The following ODAD4 variants were observed in gnomAD, a reference collection of about 807,000 sequenced individuals.
ODAD4 encodes the protein outer dynein arm-docking complex subunit 4.
In ODAD4, 49 loss-of-function variants were observed where a neutral mutation model predicts 51.8. The observed-to-expected ratio is 0.95, with a 90% CI of 0.75 to 1.20. The LOEUF is 1.20. Ranked by LOEUF, ODAD4 falls within the 50% of genes most tolerant of loss-of-function variation. The pLI, the probability that ODAD4 is intolerant of heterozygous loss-of-function variation, is 0.00. For synonymous variants in ODAD4, 235 were observed against 221.3 expected, an observed-to-expected ratio of 1.06 and a Z score of -0.55; for missense variants, 590 against 586.5, an observed-to-expected ratio of 1.01 and a Z score of -0.06.
chr17:41,951,884 A>G (rs1383311143), intron 9 of ODAD4, among the ~76,000 whole-genome samples: 1 of 78,978 alleles, frequency 1.3e-5, no homozygotes, highest in Non-Finnish European at 2.5e-5. Context: ...ACTCTGTCGC[A>G]AAAAAAAAAA....
chr17:41,950,971 A>G (rs2050643334), intron 9 of ODAD4, among the ~76,000 whole-genome samples: 1 of 151,926 alleles, frequency 6.6e-6, no homozygotes, highest in South Asian at 2.1e-4. Flanking sequence ...CTGCCTCCCA[A>G]AGTGCTGGGA....
chr17:41,954,157 T>C (rs1337968571), intron 9 of ODAD4, among the ~76,000 whole-genome samples: 1 of 151,888 alleles, frequency 6.6e-6, no homozygotes, highest in Non-Finnish European at 1.5e-5. Context: ...GGCTAATTTT[T>C]GTATTTTTAG....
At position 41,938,567 on chromosome 17, in the gene ODAD4, A is replaced by C. The variant is rs1179001584; in HGVS notation, c.636A>C (p.Lys212Asn). Residue 212 changes from lysine to asparagine, a missense_variant, in exon 6 of 12, where the codon AAA becomes AAC. Physicochemically the swap from Lys to Asn is moderately conservative, Grantham distance 94. This residue lies in a region of ODAD4 where 360 missense variants were observed against 407.5 expected (regional missense o/e 0.88). Coordinates refer to ENST00000377540, the MANE Select transcript of ODAD4 (RefSeq NM_031421.5). ...EKLLLDEDLI[K>N]GTMKGGLTVE... ...ACCCCTTCCCCACAGACCTGATCAAAGGCACCATGAAGGGCGGCCTGACTG... is the reference window on the plus strand; with the variant it reads ...ACCCCTTCCCCACAGACCTGATCAACGGCACCATGAAGGGCGGCCTGACTG... The C allele has an allele frequency of 1.2e-6, 2 of 1,613,650 alleles. No homozygotes were observed. Among genetic ancestry groups the C allele is most frequent in the Non-Finnish European group, 1.7e-6 (2 of 1,179,838 alleles).
In ODAD4 at chr17:41,935,646, G is replaced by A; in HGVS notation, c.294G>A (p.Glu98=). The A allele has an allele frequency of 6.2e-7, 1 of 1,613,472 alleles. No individual in the cohort carries two copies. Among genetic ancestry groups the A allele is most frequent in the South Asian group, 1.1e-5 (1 of 90,914 alleles). Residue 98 remains glutamate, a synonymous_variant, in exon 3 of 12, where the codon GAG becomes GAA. Coordinates refer to ENST00000377540, the MANE Select transcript of ODAD4 (RefSeq NM_031421.5). The part of the protein sequence containing the change: ...AETLYTMGDF[E]FALVFYHRGY... Reference sequence around the variant, plus strand: ...CACTGTACACCATGGGAGACTTTGAGTTTGCCTTGGTATTCTATCATCGAG... The same window carrying A: ...CACTGTACACCATGGGAGACTTTGAATTTGCCTTGGTATTCTATCATCGAG...
intron 9 of ODAD4, among the ~76,000 whole-genome samples, chr17:41,954,283 G>A (rs1555640689): frequency 5.3e-5 from 8 of 151,782 alleles, no homozygotes; most frequent in South Asian, 4.2e-4. Context: ...CACCACGCCC[G>A]GCCTGACATA....
intron 1 of ODAD4, among the ~76,000 whole-genome samples, chr17:41,933,739 G>A (rs376402401): frequency 2.6e-4 from 39 of 152,024 alleles, no homozygotes; most frequent in African/African-American, 7.7e-4. Context: ...GCTTCAACCC[G>A]GGACTCGGAG....
intron 1 of ODAD4, 35 bp from the exon 2 acceptor site, chr17:41,935,182 A>C: frequency 6.2e-7 from 1 of 1,613,008 alleles, no homozygotes; most frequent in Non-Finnish European, 8.5e-7. Context: ...CTTGCTCTTC[A>C]TGCTGGCTGT....
At chr17:41,949,462 T>C (rs1486020570) in intron 9 of ODAD4, 113 bp downstream of exon 9, 3 of 396,552 alleles carry the variant, frequency 7.6e-6, no homozygotes, top group African/African-American at 6.2e-5. Flanking sequence ...CCTTCCCAGA[T>C]TATTCTGAGA....
chr17:41,961,613 C>T (rs72820838), intron 11 of ODAD4, 147 bp downstream of exon 11: 24,412 of 639,746 alleles, frequency 0.038, 670 homozygotes, highest in South Asian at 0.067. Context: ...CCACCAGCAG[C>T]CCTAGCCTAT....
chr17:41,958,359 G>A (rs117726639), intron 10 of ODAD4, among the ~76,000 whole-genome samples: 1,780 of 152,172 alleles, frequency 0.012, 17 homozygotes, highest in Non-Finnish European at 0.013. Flanking sequence ...GCCACGTGAG[G>A]CTAAAGTTAA....
rs1555638334 is a variant in ODAD4 at position 41,939,021 on chromosome 17, A to G, written c.907A>G (p.Lys303Glu). Residue 303 changes from lysine to glutamate, a missense_variant, in exon 7 of 12, where the codon AAG (lysine) becomes GAG (glutamate). Physicochemically the swap from Lys to Glu is moderately conservative, Grantham distance 56. Coordinates refer to ENST00000377540, the MANE Select transcript of ODAD4 (RefSeq NM_031421.5). Reference sequence around the variant, plus strand: ...TCAGAAAGCTGAGAAAGTGCTGAAGAAGGTACTGGAATGGAACAAGGAAGA... The same window carrying G: ...TCAGAAAGCTGAGAAAGTGCTGAAGGAGGTACTGGAATGGAACAAGGAAGA... Reference protein sequence around the residue: ...SLQKAEKVLKKVLEWNKEEVP... With the variant: ...SLQKAEKVLKEVLEWNKEEVP... 6.2e-7 allele frequency: 1 copy of G among 1,613,348 alleles called. No homozygotes were observed. Among genetic ancestry groups the G allele is most frequent in the East Asian group, 2.2e-5 (1 of 44,876 alleles).
chr17:41,936,608 G>A (rs1555637843), intron 4 of ODAD4, 74 bp downstream of exon 4: 6 of 1,522,492 alleles, frequency 3.9e-6, no homozygotes, highest in Non-Finnish European at 5.5e-6. Context: ...GGTCTTGGGA[G>A]TCTAGCTGCA....
rs552309113 is a variant in ODAD4 at position 41,936,504 on chromosome 17, G to A, written c.429G>A (p.Gly143=). Residue 143 remains glycine (G), a synonymous_variant, in exon 4 of 12, where the codon GGG becomes GGA. Coordinates refer to ENST00000377540, the MANE Select transcript of ODAD4 (RefSeq NM_031421.5). ...CTTCCATTAAGCTGGAGAACAAAGG[G>A]GACCTCTCCTTCTTAAGCAAGCAGG... ...SPSSIKLENK[G]DLSFLSKQAE... 608 of 1,613,302 alleles carry A rather than the reference G, an allele frequency of 3.8e-4. 4 individuals are homozygous for A. In the South Asian group the frequency reaches 6.3e-3, roughly 17 times the overall value.
intron 7 of ODAD4, among the ~76,000 whole-genome samples, chr17:41,941,000 C>T (rs1391825360): frequency 6.6e-6 from 1 of 152,210 alleles, no homozygotes; most frequent in African/African-American, 2.4e-5. Context: ...CGGAGGCTTC[C>T]CAGATACCTC....
intron 5 of ODAD4, 126 bp downstream of exon 5, chr17:41,937,053 T>C: frequency 8.6e-7 from 1 of 1,166,276 alleles, no homozygotes; most frequent in Non-Finnish European, 1.2e-6. Context: ...ACAGGTTTTA[T>C]TAGCATTCTC....
At position 41,935,270 on chromosome 17, in the gene ODAD4, C is replaced by T. The variant is rs782819084; in HGVS notation, c.168C>T (p.Cys56=). Residue 56 remains cysteine, a synonymous_variant, in exon 2 of 12, where the codon TGC becomes TGT. Transcript: ENST00000377540. ...DKNCLVARSK[C]FLKMGDLERS... is the part of the protein sequence containing the mutation. ...ACTGCCTGGTTGCTCGCTCAAAGTG[C>T]TTCCTGAAGATGGGAGACTTGGAGA... 1.2e-5 allele frequency: 20 copies of T among 1,613,902 alleles called. No homozygotes were observed. The highest frequency in any genetic ancestry group is 1.7e-5 in the Non-Finnish European group (20 of 1,179,902).
chr17:41,941,299 T>C (rs1555638649), intron 7 of ODAD4, among the ~76,000 whole-genome samples: 1 of 152,210 alleles, frequency 6.6e-6, no homozygotes, highest in African/African-American at 2.4e-5. Flanking sequence ...TTCACTTGAC[T>C]TCTCCTGGCC....
intron 1 of ODAD4, among the ~76,000 whole-genome samples, chr17:41,931,471 G>A (rs994449345): frequency 1.3e-5 from 2 of 152,192 alleles, no homozygotes; most frequent in African/African-American, 2.4e-5. Flanking sequence ...TGGATGGGAG[G>A]TTGCATGCAG....
At chr17:41,956,779 C>T (rs752125564) in intron 10 of ODAD4, among the ~76,000 whole-genome samples, 109 of 150,662 alleles carry the variant, frequency 7.2e-4, no homozygotes, top group Non-Finnish European at 1.4e-3. Flanking sequence ...GACGGAGTCT[C>T]AGTATGTTGG....
Sources: allele counts gnomAD v4.1 joint callset (sites outside exome capture counted in the v4.1 genomes callset), GRCh38; gene constraint gnomAD v4.1.1; regional missense constraint gnomAD v4.1.1; transcripts MANE v1.5; gene names NCBI Gene and HGNC (gene_info 2026-07-23, HGNC 2026-07-21).